Variants in NTRK3 observed in about 807,000 individuals in gnomAD.
NTRK3 encodes the protein neurotrophic receptor tyrosine kinase 3, also known as NT-3 growth factor receptor.
A neutral mutation model predicts 91.7 loss-of-function variants in NTRK3; 24 were observed. The ratio of observed to expected loss-of-function variants is 0.26; its 90% CI spans 0.19 to 0.37. The LOEUF (loss-of-function observed/expected upper bound fraction) is 0.37. Ranked by LOEUF, NTRK3 falls within the 10% of genes least tolerant of loss-of-function variation. The pLI is 1.00. For synonymous variants in NTRK3, 483 were observed against 404.0 expected (o/e 1.20, Z -2.34); for missense variants, 880 against 1,068.9 (o/e 0.82, Z 2.46).
intron 6 of NTRK3, among the ~76,000 whole-genome samples, chr15:88,146,807 T>C (rs2042930137): frequency 6.6e-6 from 1 of 152,126 alleles, no homozygotes; most frequent in South Asian, 2.1e-4. Context: ...ACATGTAACT[T>C]GAAGTCAAAA....
chr15:88,109,432 T>C (rs1048765195), intron 13 of NTRK3, among the ~76,000 whole-genome samples: 3 of 152,092 alleles, frequency 2.0e-5, no homozygotes, highest in Non-Finnish European at 4.4e-5. Context: ...TTCCTGAAGC[T>C]CCTAAAAGAA....
chr15:87,910,479 GGTGA>G (rs2067022582), intron 17 of NTRK3, among the ~76,000 whole-genome samples: 1 of 152,198 alleles, frequency 6.6e-6, no homozygotes, highest in Non-Finnish European at 1.5e-5. Flanking sequence ...AGGAGGCCAT[GGTGA>G]GTTTTATTTA....
chr15:87,957,341 GCCTACAGT>G (rs2071771405), intron 14 of NTRK3, among the ~76,000 whole-genome samples: 1 of 150,300 alleles, frequency 6.7e-6, no homozygotes, highest in Admixed American at 6.6e-5. Flanking sequence ...TTATTATGAC[GCCTACAGT>G]CCCACAGCGG....
In NTRK3 at chr15:88,136,316, G is replaced by A. The variant is rs1352920520; in HGVS notation, c.765+151C>T. ...AGAAAAGTTGAGTAGCATGTATAGA[G>A]CGAAATGGCTAGAAAATATTGCAGC... On this transcript the variant is annotated intron_variant, in intron 8 of 18. Transcript: ENST00000394480. 4 of 1,093,608 alleles carry A rather than the reference G, an allele frequency of 3.7e-6. No individual in the cohort carries two copies. The African/African-American group carries it at 4.6e-5, about 13-fold the overall frequency. 67.7% of individuals were successfully genotyped at this position (1,093,608 alleles called of 1,614,324 possible). A position where few individuals can be genotyped will look rare whatever the true frequency, so the allele number is the denominator to read the frequency against.
chr15:88,059,729 C>T (rs1307447708), intron 13 of NTRK3, among the ~76,000 whole-genome samples: 1 of 148,648 alleles, frequency 6.7e-6, no homozygotes, highest in Non-Finnish European at 1.5e-5. Context: ...TAAATTGTGA[C>T]CCCCCCTAAA....
At chr15:88,090,217 G>A (rs1185815516) in intron 13 of NTRK3, among the ~76,000 whole-genome samples, 1 of 152,176 alleles carries the variant, frequency 6.6e-6, no homozygotes, top group Non-Finnish European at 1.5e-5. Flanking sequence ...TACCTGCCAT[G>A]TTATAGGTTC....
intron 5 of NTRK3, among the ~76,000 whole-genome samples, chr15:88,183,175 T>C (rs2046660307): frequency 6.6e-6 from 1 of 152,160 alleles, no homozygotes; most frequent in African/African-American, 2.4e-5. Context: ...CACTTGGGTG[T>C]CAGGAGACTG....
At chr15:88,149,259 G>C (rs1004196299) in intron 5 of NTRK3, among the ~76,000 whole-genome samples, 10 of 152,166 alleles carry the variant, frequency 6.6e-5, no homozygotes, top group African/African-American at 2.4e-4. Flanking sequence ...GCCTGAACTG[G>C]CTAGGTCCCT....
intron 13 of NTRK3, among the ~76,000 whole-genome samples, chr15:88,069,033 G>A (rs1174366261): frequency 1.3e-5 from 2 of 152,296 alleles, no homozygotes; most frequent in Non-Finnish European, 1.5e-5. Flanking sequence ...GGGCTGTAAT[G>A]GAGTGTACAT....
intron 3 of NTRK3, among the ~76,000 whole-genome samples, chr15:88,218,085 C>T (rs2049945484): frequency 6.6e-6 from 1 of 152,120 alleles, no homozygotes; most frequent in African/African-American, 2.4e-5. Flanking sequence ...CTGTGGGGGC[C>T]CAGAACATCT....
chr15:87,953,435 G>A (rs2141134102), intron 14 of NTRK3, among the ~76,000 whole-genome samples: 1 of 152,336 alleles, frequency 6.6e-6, no homozygotes, highest in South Asian at 2.1e-4. Flanking sequence ...ATAGAGAAGT[G>A]TGAGGTTTCA....
intron 3 of NTRK3, among the ~76,000 whole-genome samples, chr15:88,248,393 C>T (rs559085986): frequency 3.6e-4 from 55 of 152,322 alleles, no homozygotes; most frequent in Non-Finnish European, 6.5e-4. Context: ...ATCCTATGTG[C>T]CTTCCCCTTA....
intron 6 of NTRK3, among the ~76,000 whole-genome samples, chr15:88,142,131 C>G (rs535844097): frequency 6.6e-6 from 1 of 152,204 alleles, no homozygotes; most frequent in African/African-American, 2.4e-5. Flanking sequence ...GTGAGGTGGG[C>G]AAGAAGCAAA....
chr15:88,179,538 T>TAAAC (rs754062327), intron 5 of NTRK3, among the ~76,000 whole-genome samples: 57 of 152,220 alleles, frequency 3.7e-4, no homozygotes, highest in Non-Finnish European at 7.9e-4. Context: ...GAAGTACCAT[T>TAAAC]GTTTGAGTGC....
At chr15:88,067,203 T>C (rs2046724856) in intron 13 of NTRK3, among the ~76,000 whole-genome samples, 1 of 152,132 alleles carries the variant, frequency 6.6e-6, no homozygotes, top group African/African-American at 2.4e-5. Flanking sequence ...GCACAGCCCC[T>C]CAGAGTTGTA....
At chr15:88,142,107 A>C (rs1391772917) in intron 6 of NTRK3, among the ~76,000 whole-genome samples, 1 of 152,230 alleles carries the variant, frequency 6.6e-6, no homozygotes, top group Non-Finnish European at 1.5e-5. Context: ...TCCGGACAAG[A>C]GAGGATTCAA....
chr15:87,929,351 T>C, exon 17 of NTRK3: 1 of 1,614,148 alleles, frequency 6.2e-7, no homozygotes, highest in South Asian at 1.1e-5. Flanking sequence ...ACTGGCAATG[T>C]GGAGCATTTG....
chr15:87,985,763 T>C (rs1448343957), intron 14 of NTRK3, among the ~76,000 whole-genome samples: 1 of 152,098 alleles, frequency 6.6e-6, no homozygotes, highest in African/African-American at 2.4e-5. Context: ...TAAAGGGGCA[T>C]GGACCACTGA....
At chr15:88,117,635 T>C (rs1045282630) in intron 13 of NTRK3, among the ~76,000 whole-genome samples, 1 of 152,204 alleles carries the variant, frequency 6.6e-6, no homozygotes, top group Admixed American at 6.5e-5. Flanking sequence ...GAAATTCTAA[T>C]CTTTTTTGAA....
Sources: gnomAD v4.1 joint callset for allele counts (sites outside exome capture counted in the v4.1 genomes callset) on GRCh38, gnomAD v4.1.1 for gene constraint, MANE v1.5 for transcripts, NCBI Gene and HGNC (gene_info 2026-07-23, HGNC 2026-07-21) for gene names.